The following FHIT variants were observed in gnomAD, a reference collection of about 807,000 sequenced individuals.
The protein encoded by FHIT is bis(5'-adenosyl)-triphosphatase.
Under a neutral mutation model 17.9 loss-of-function variants are expected in FHIT, and 19 were observed. The ratio of observed to expected loss-of-function variants is 1.06; its 90% CI spans 0.74 to 1.56. FHIT has a LOEUF of 1.56. FHIT is among the 40% of genes most tolerant of loss of function. FHIT has a pLI of 0.00. For synonymous variants in FHIT, 81 were observed against 69.7 expected (o/e 1.16, Z -0.81); for missense variants, 248 against 189.2 (o/e 1.31, Z -1.82).
intron 4 of FHIT, among the ~76,000 whole-genome samples, chr3:60,793,410 C>A (rs1184700978): frequency 6.6e-6 from 1 of 151,972 alleles, no homozygotes; most frequent in East Asian, 1.9e-4. Flanking sequence ...TCAAGCAATT[C>A]TCCTACCTCA....
At chr3:60,897,431 A>C (rs1183758078) in intron 3 of FHIT, among the ~76,000 whole-genome samples, 5 of 152,134 alleles carry the variant, frequency 3.3e-5, no homozygotes, top group African/African-American at 1.2e-4. Context: ...CTGGTTTATT[A>C]CGTGTGGTTT....
intron 5 of FHIT, among the ~76,000 whole-genome samples, chr3:60,087,908 C>G (rs1425978248): frequency 3.3e-5 from 5 of 152,142 alleles, no homozygotes; most frequent in Non-Finnish European, 7.3e-5. Context: ...AATTTTCTGT[C>G]TTAGTTCATT....
chr3:60,785,936 G>C (rs534826626), intron 4 of FHIT, among the ~76,000 whole-genome samples: 2,410 of 109,892 alleles, frequency 0.022, 23 homozygotes, highest in Non-Finnish European at 0.024. Flanking sequence ...CACACACACA[G>C]AGAGAGTACT....
chr3:60,299,962 G>A (rs1390340878), intron 5 of FHIT, among the ~76,000 whole-genome samples: 1 of 152,072 alleles, frequency 6.6e-6, no homozygotes, highest in Non-Finnish European at 1.5e-5. Context: ...CACCTACAGT[G>A]AGCAGGCTTT....
chr3:60,224,609 C>G (rs1488399466), intron 5 of FHIT, among the ~76,000 whole-genome samples: 1 of 152,126 alleles, frequency 6.6e-6, no homozygotes, highest in Non-Finnish European at 1.5e-5. Flanking sequence ...TCTAAAGCAT[C>G]CTCTTTTGGA....
At chr3:59,929,650 T>C (rs1575714719) in intron 7 of FHIT, among the ~76,000 whole-genome samples, 1 of 152,026 alleles carries the variant, frequency 6.6e-6, no homozygotes, top group Non-Finnish European at 1.5e-5. Context: ...GTTTGTATAA[T>C]CACCAACAGC....
chr3:60,049,945 C>A (rs1473168857), intron 5 of FHIT, among the ~76,000 whole-genome samples: 1 of 152,188 alleles, frequency 6.6e-6, no homozygotes, highest in Non-Finnish European at 1.5e-5. Flanking sequence ...TGCATCCTCA[C>A]TAATACTTAT....
At chr3:60,860,647 G>A (rs1575608409) in intron 3 of FHIT, among the ~76,000 whole-genome samples, 1 of 92,626 alleles carries the variant, frequency 1.1e-5, no homozygotes, top group South Asian at 3.1e-4. Flanking sequence ...TGATACATAT[G>A]TACATATATC....
At position 60,658,539 on chromosome 3, in the gene FHIT, T is replaced by A. The variant is rs147901397; in HGVS notation, c.-17-121560A>T. Among the ~76,000 whole-genome samples the A allele has an allele frequency of 1.1e-4, 16 of 152,272 alleles. No homozygotes were observed. In the East Asian group the frequency reaches 2.5e-3, roughly 24 times the overall value. On this transcript the variant is annotated intron_variant, in intron 4 of 9. Coordinates refer to ENST00000492590, the MANE Select transcript of FHIT (RefSeq NM_002012.4). ...TGGAATTATACCAGCTTAACTTTAATAACATACAAAAACATTGCTCCTCTA... is the reference window on the plus strand; with the variant it reads ...TGGAATTATACCAGCTTAACTTTAAAAACATACAAAAACATTGCTCCTCTA...
chr3:60,537,706 G>C (rs923983951), intron 4 of FHIT, among the ~76,000 whole-genome samples: 2 of 152,112 alleles, frequency 1.3e-5, no homozygotes, highest in African/African-American at 4.8e-5. Context: ...TTGGCAAATG[G>C]CACAGCTGAG....
chr3:60,593,584 A>C (rs1553665174), intron 4 of FHIT, among the ~76,000 whole-genome samples: 1 of 152,134 alleles, frequency 6.6e-6, no homozygotes, highest in East Asian at 1.9e-4. Context: ...AATGATTTAG[A>C]AGAAAATATT....
At chr3:60,774,654 T>C (rs1553724071) in intron 4 of FHIT, among the ~76,000 whole-genome samples, 2 of 152,180 alleles carry the variant, frequency 1.3e-5, no homozygotes, top group Admixed American at 1.3e-4. Context: ...TAACTAATAA[T>C]AAAGTAGATG....
chr3:60,932,073 T>C (rs1707982430), intron 3 of FHIT, among the ~76,000 whole-genome samples: 1 of 152,172 alleles, frequency 6.6e-6, no homozygotes. Flanking sequence ...CTTGATGAAC[T>C]TGTTAGACAT....
intron 4 of FHIT, among the ~76,000 whole-genome samples, chr3:60,564,349 G>A (rs1009661974): frequency 6.6e-6 from 1 of 152,160 alleles, no homozygotes; most frequent in Non-Finnish European, 1.5e-5. Flanking sequence ...ACAAGGAGAT[G>A]AATGTTGTTT....
intron 7 of FHIT, among the ~76,000 whole-genome samples, chr3:59,989,903 C>T (rs1013267595): frequency 2.0e-5 from 3 of 152,018 alleles, no homozygotes; most frequent in African/African-American, 2.4e-5. Flanking sequence ...GGGGTTCCTC[C>T]CCACTCTTCC....
At position 59,974,300 on chromosome 3, in the gene FHIT, G is replaced by C. The variant is rs539710085; in HGVS notation, c.279+37071C>G. ...TCTGTGCATAGTTTTGCCTCACTTC[G>C]TACAGTAAGTCCAGGAGTCTTATTT... On this transcript the variant is annotated intron_variant, in intron 7 of 9. Transcript: ENST00000492590. Among the ~76,000 whole-genome samples, 5 of 152,232 alleles carry C rather than the reference G, an allele frequency of 3.3e-5. No homozygotes were observed. The South Asian group carries it at 1.0e-3, about 32-fold the overall frequency.
chr3:59,858,460 T>G (rs1702270348), intron 8 of FHIT, among the ~76,000 whole-genome samples: 2 of 151,898 alleles, frequency 1.3e-5, no homozygotes, highest in Admixed American at 1.3e-4. Context: ...ACTCCTGACC[T>G]TGTGATTCAC....
At chr3:60,502,480 G>T (rs142422583) in intron 5 of FHIT, among the ~76,000 whole-genome samples, 33 of 152,224 alleles carry the variant, frequency 2.2e-4, no homozygotes, top group African/African-American at 7.5e-4. Flanking sequence ...ACTTCACTCG[G>T]AAGTTACTTT....
intron 7 of FHIT, among the ~76,000 whole-genome samples, chr3:59,932,669 C>T (rs1352928968): frequency 6.6e-6 from 1 of 151,308 alleles, no homozygotes; most frequent in Non-Finnish European, 1.5e-5. Context: ...GAACTCCTCC[C>T]TTTTTTTTTA....
Sources: gnomAD v4.1 joint callset for allele counts (sites outside exome capture counted in the v4.1 genomes callset) on GRCh38, gnomAD v4.1.1 for gene constraint, MANE v1.5 for transcripts, NCBI Gene and HGNC (gene_info 2026-07-23, HGNC 2026-07-21) for gene names.